The following RANBP2 variants were observed in gnomAD, a reference collection of about 807,000 sequenced individuals.
The protein encoded by RANBP2 is E3 SUMO-protein ligase RanBP2.
A neutral mutation model predicts 303.6 loss-of-function variants in RANBP2; 57 were observed. That is an observed-to-expected ratio of 0.19 (90% confidence interval 0.15 to 0.23). The LOEUF (loss-of-function observed/expected upper bound fraction) is 0.23. Among genes scored for constraint, RANBP2 ranks in the 10% least tolerant of loss-of-function variants. The pLI, the probability that RANBP2 is intolerant of heterozygous loss-of-function variation, is 1.00. For synonymous variants in RANBP2, 1,167 were observed against 1,301.5 expected, an observed-to-expected ratio of 0.90 and a Z score of 2.23; for missense variants, 3,138 against 3,780.8, an observed-to-expected ratio of 0.83 and a Z score of 4.46.
chr2:109,187,639 T>A, the RANBP2 span, among the ~76,000 whole-genome samples: 1 of 152,236 alleles, frequency 6.6e-6, no homozygotes, highest in Non-Finnish European at 1.5e-5. Context: ...TCTTAGGCTA[T>A]GCCATCTGGA....
the RANBP2 span, among the ~76,000 whole-genome samples, chr2:109,289,367 T>C: frequency 6.6e-6 from 1 of 152,318 alleles, no homozygotes; most frequent in Non-Finnish European, 1.5e-5. Flanking sequence ...TTTCAGACAG[T>C]TCCTTGCATC....
chr2:109,401,836 G>T, the RANBP2 span, among the ~76,000 whole-genome samples: 3 of 152,218 alleles, frequency 2.0e-5, no homozygotes, highest in African/African-American at 7.2e-5. Context: ...GATGTCTATT[G>T]GGGCTGGAAG....
At chr2:108,955,850 T>C in the RANBP2 span, among the ~76,000 whole-genome samples, 2 of 151,794 alleles carry the variant, frequency 1.3e-5, no homozygotes, top group African/African-American at 4.8e-5. Flanking sequence ...CACGGCGAAA[T>C]ACTGTCTGTA....
the RANBP2 span, among the ~76,000 whole-genome samples, chr2:109,408,239 G>A: frequency 5.3e-5 from 8 of 152,198 alleles, no homozygotes; most frequent in African/African-American, 1.7e-4. Flanking sequence ...CTCAGAGGGT[G>A]GAAAGGAGGA....
the RANBP2 span, chr2:108,856,713 G>A: frequency 3.1e-6 from 4 of 1,288,760 alleles, no homozygotes; most frequent in Non-Finnish European, 4.3e-6. Flanking sequence ...TTAAAGTAAC[G>A]ACATTGCTTT....
At chr2:109,115,896 G>A in the RANBP2 span, among the ~76,000 whole-genome samples, 2 of 152,162 alleles carry the variant, frequency 1.3e-5, no homozygotes, top group East Asian at 1.9e-4. Flanking sequence ...ATGAAGCTTA[G>A]TTTGGCTGGA....
intron 8 of RANBP2, among the ~76,000 whole-genome samples, chr2:108,748,352 C>T (rs989249551): frequency 4.7e-5 from 7 of 150,472 alleles, no homozygotes; most frequent in Non-Finnish European, 1.0e-4. Flanking sequence ...GGACTACAGG[C>T]GCCAGCCACC....
chr2:109,683,315 G>C, the RANBP2 span, among the ~76,000 whole-genome samples: 1 of 152,098 alleles, frequency 6.6e-6, no homozygotes, highest in Non-Finnish European at 1.5e-5. Flanking sequence ...CTAGAAGTAG[G>C]GTATATAAGA....
At chr2:109,473,452 G>A in the RANBP2 span, among the ~76,000 whole-genome samples, 26,233 of 152,176 alleles carry the variant, frequency 0.17, 3,015 homozygotes, top group Non-Finnish European at 0.24. Context: ...TATTTTATTT[G>A]GGGAGGCTGT....
At chr2:108,969,073 A>G in the RANBP2 span, among the ~76,000 whole-genome samples, 2 of 152,174 alleles carry the variant, frequency 1.3e-5, no homozygotes, top group African/African-American at 4.8e-5. Flanking sequence ...TCCCTGATGC[A>G]CAGTCAGTTT....
chr2:109,392,659 C>T, the RANBP2 span, among the ~76,000 whole-genome samples: 1 of 152,146 alleles, frequency 6.6e-6, no homozygotes, highest in Admixed American at 6.5e-5. Context: ...GCTGGGACTA[C>T]AGGCGCCTGC....
the RANBP2 span, among the ~76,000 whole-genome samples, chr2:108,886,765 T>C: frequency 3.3e-5 from 5 of 152,150 alleles, no homozygotes; most frequent in Non-Finnish European, 5.9e-5. Context: ...TGTGGAGCTG[T>C]TTGAGTTCCT....
At chr2:109,427,790 G>A in the RANBP2 span, among the ~76,000 whole-genome samples, 1 of 152,364 alleles carries the variant, frequency 6.6e-6, no homozygotes, top group Admixed American at 6.5e-5. Context: ...AGGCCCCAGG[G>A]AGAACCGAGC....
chr2:109,665,343 G>GATTT, the RANBP2 span: 1 of 122,126 alleles, frequency 8.2e-6, no homozygotes, highest in Non-Finnish European at 1.8e-5. Context: ...TCGCAAGCAG[G>GATTT]TTTTTTTTTT....
Position 108,765,915 on chromosome 2 carries a change from A to G in RANBP2, c.5376A>G (p.Val1792=). Residue 1792 remains valine, a synonymous_variant, in exon 20 of 29, where the codon GTA becomes GTG. Transcript: ENST00000283195. ...AGTGGGATTGTAGTGTTTGCTGTGT[A>G]CAAAATGAGAGTTCTTCCTTAAAAT... ...KGQWDCSVCC[V]QNESSSLKCV... 6.2e-7 allele frequency: 1 copy of G among 1,614,198 alleles called. No homozygotes were observed. Among genetic ancestry groups the G allele is most frequent in the East Asian group, 2.2e-5 (1 of 44,886 alleles).
At position 108,764,212 on chromosome 2, in the gene RANBP2, A is replaced by C; in HGVS notation, c.3673A>C (p.Lys1225Gln). 6.2e-7 allele frequency: 1 copy of C among 1,614,100 alleles called. No individual in the cohort carries two copies. Among genetic ancestry groups the C allele is most frequent in the South Asian group, 1.1e-5 (1 of 91,082 alleles). The change falls in exon 20 of 29, where the codon AAA (lysine) becomes CAA (glutamine). Residue 1225 changes from lysine (K) to glutamine (Q), a missense_variant. By Grantham distance (53) the Lys-to-Gln change is moderately conservative. This residue lies in a region of RANBP2 where 72 missense variants were observed against 119.5 expected (regional missense o/e 0.60). Transcript: ENST00000283195. ...TGGCAATGTAAAAATACTGAGGCAT[A>C]AAACATCTGGTAAAATTCGCCTTCT... Reference protein sequence around the residue: ...GIGNVKILRHKTSGKIRLLMR... With the variant: ...GIGNVKILRHQTSGKIRLLMR...
the RANBP2 span, among the ~76,000 whole-genome samples, chr2:108,985,370 C>G: frequency 1.3e-5 from 2 of 152,204 alleles, no homozygotes. Context: ...GTGTTTGGAG[C>G]AGTAGGTCTG....
the RANBP2 span, among the ~76,000 whole-genome samples, chr2:109,598,631 T>A: frequency 1.8e-4 from 27 of 151,738 alleles, no homozygotes; most frequent in Non-Finnish European, 3.1e-4. Flanking sequence ...TCACTTGAGG[T>A]CAGGAGGTCA....
chr2:109,732,853 A>G, the RANBP2 span: 1 of 1,303,446 alleles, frequency 7.7e-7, no homozygotes, highest in South Asian at 1.2e-5. Flanking sequence ...CTTTTGTTGA[A>G]TTTGAAGATC....
Sources: allele counts gnomAD v4.1 joint callset (sites outside exome capture counted in the v4.1 genomes callset), GRCh38; gene constraint gnomAD v4.1.1; regional missense constraint gnomAD v4.1.1; transcripts MANE v1.5; gene names NCBI Gene and HGNC (gene_info 2026-07-23, HGNC 2026-07-21).